Variants in PCDH15 observed in about 807,000 individuals in gnomAD.
PCDH15 encodes protocadherin-15.
A neutral mutation model predicts 178.5 loss-of-function variants in PCDH15; 129 were observed. The observed-to-expected ratio is 0.72, with a 90% confidence interval of 0.63 to 0.84. The LOEUF (loss-of-function observed/expected upper bound fraction) is 0.84, where lower values mean the gene tolerates loss of function less well. Among genes scored for constraint, PCDH15 ranks in the 40% least tolerant of loss-of-function variants. PCDH15 has a pLI of 0.00. For synonymous variants in PCDH15, 800 were observed against 732.0 expected (o/e 1.09, Z -1.50); for missense variants, 2,230 against 2,099.9 (o/e 1.06, Z -1.21).
chr10:55,384,252 T>C (rs183437309), intron 2 of PCDH15, among the ~76,000 whole-genome samples: 151 of 152,272 alleles, frequency 9.9e-4, no homozygotes, highest in Middle Eastern at 6.8e-3. Flanking sequence ...TTTTACTTGT[T>C]GAAGAAAAAT....
chr10:55,269,114 G>A (rs796960243), intron 1 of PCDH15, among the ~76,000 whole-genome samples: 7 of 151,884 alleles, frequency 4.6e-5, no homozygotes, highest in African/African-American at 1.4e-4. Context: ...TCAACCAACC[G>A]GACATTGAAG....
intron 15 of PCDH15, among the ~76,000 whole-genome samples, chr10:54,106,919 A>G (rs1456467695): frequency 6.6e-6 from 1 of 152,232 alleles, no homozygotes; most frequent in Non-Finnish European, 1.5e-5. Flanking sequence ...AAATACACAT[A>G]TAATCCAGGT....
At chr10:55,314,925 A>ACAT (rs1005767245) in intron 1 of PCDH15, among the ~76,000 whole-genome samples, 15 of 152,190 alleles carry the variant, frequency 9.9e-5, no homozygotes, top group African/African-American at 3.6e-4. Context: ...ATAATTGAAT[A>ACAT]CATTATTATT....
chr10:53,922,794 A>C (rs2084109613), intron 25 of PCDH15, among the ~76,000 whole-genome samples: 1 of 152,170 alleles, frequency 6.6e-6, no homozygotes. Context: ...TTTTAATAAA[A>C]CACAAATATA....
In PCDH15 at chr10:54,664,277, C is replaced by G; in HGVS notation, c.-15G>C. ...TGTCGAAACATCTTCTGTCAAAGTT[C>G]ACTCAAAGCTGATCTGAAATAAGAA... On this transcript the variant is annotated 5_prime_UTR_variant, in exon 2 of 38. Coordinates refer to ENST00000644397, the MANE Select transcript of PCDH15 (RefSeq NM_001384140.1). The G allele has an allele frequency of 6.3e-7, 1 of 1,592,892 alleles. No individual in the cohort carries two copies. Among genetic ancestry groups the G allele is most frequent in the South Asian group, 1.1e-5 (1 of 90,140 alleles).
intron 2 of PCDH15, among the ~76,000 whole-genome samples, chr10:55,582,620 ATATATATATTT>A (rs1842641921): frequency 1.1e-5 from 1 of 87,586 alleles, no homozygotes; most frequent in African/African-American, 6.0e-5. Flanking sequence ...ATATATATAT[ATATATATATTT>A]TTTTTTTTTT....
At chr10:55,158,898 G>A (rs202163597) in intron 2 of PCDH15, among the ~76,000 whole-genome samples, 5 of 129,862 alleles carry the variant, frequency 3.9e-5, no homozygotes, top group African/African-American at 1.1e-4. Flanking sequence ...GAGAGAGAGA[G>A]AAAAAACAAG....
At chr10:54,848,911 C>T (rs185074066) in intron 3 of PCDH15, among the ~76,000 whole-genome samples, 17 of 152,032 alleles carry the variant, frequency 1.1e-4, no homozygotes, top group South Asian at 4.1e-4. Flanking sequence ...CAAGTGAAGA[C>T]TAAAGAAAAT....
chr10:54,238,923 A>G (rs2054933291), intron 8 of PCDH15, among the ~76,000 whole-genome samples: 1 of 152,048 alleles, frequency 6.6e-6, no homozygotes, highest in African/African-American at 2.4e-5. Context: ...ATATAATTAA[A>G]TCTGCAGTAA....
chr10:55,549,117 G>A (rs1841951386), intron 2 of PCDH15, among the ~76,000 whole-genome samples: 1 of 151,902 alleles, frequency 6.6e-6, no homozygotes, highest in Non-Finnish European at 1.5e-5. Context: ...TCAGTCTACT[G>A]AAGAATTGAC....
intron 17 of PCDH15, among the ~76,000 whole-genome samples, chr10:54,072,893 A>T: frequency 6.6e-6 from 1 of 152,166 alleles, no homozygotes; most frequent in Non-Finnish European, 1.5e-5. Flanking sequence ...GAAGTCAGGG[A>T]GGAGAGGTTT....
chr10:55,556,878 A>G (rs1842101689), intron 2 of PCDH15, among the ~76,000 whole-genome samples: 1 of 152,162 alleles, frequency 6.6e-6, no homozygotes, highest in South Asian at 2.1e-4. Flanking sequence ...CTTAACAACT[A>G]GTAAAGTTGA....
chr10:54,677,450 T>G (rs1455201453), intron 1 of PCDH15, among the ~76,000 whole-genome samples: 3 of 152,072 alleles, frequency 2.0e-5, no homozygotes, highest in Non-Finnish European at 2.9e-5. Flanking sequence ...AAATCAGATA[T>G]AATGATAATA....
At chr10:54,992,615 C>T (rs1839530599) in intron 2 of PCDH15, among the ~76,000 whole-genome samples, 2 of 151,920 alleles carry the variant, frequency 1.3e-5, no homozygotes, top group South Asian at 2.1e-4. Flanking sequence ...ATTAGCCGGG[C>T]GTGGTGGCAG....
At chr10:55,459,858 T>C (rs181514942) in intron 2 of PCDH15, among the ~76,000 whole-genome samples, 19 of 152,192 alleles carry the variant, frequency 1.2e-4, no homozygotes, top group Admixed American at 7.9e-4. Flanking sequence ...TGTGAGTGGT[T>C]ATGTTCAAAC....
intron 21 of PCDH15, among the ~76,000 whole-genome samples, chr10:53,992,449 A>G (rs1564951133): frequency 6.6e-6 from 1 of 152,192 alleles, no homozygotes; most frequent in Non-Finnish European, 1.5e-5. Flanking sequence ...TTCCTAAAAT[A>G]TATAAAATAT....
intron 2 of PCDH15, among the ~76,000 whole-genome samples, chr10:55,572,364 T>C (rs976221219): frequency 6.6e-6 from 1 of 151,544 alleles, no homozygotes; most frequent in African/African-American, 2.4e-5. Context: ...TGTTTTTAGT[T>C]CTGAAACTAA....
chr10:54,914,300 G>A (rs1265887040), intron 2 of PCDH15, among the ~76,000 whole-genome samples: 1 of 152,098 alleles, frequency 6.6e-6, no homozygotes, highest in African/African-American at 2.4e-5. Flanking sequence ...TTAAAAGGGT[G>A]TGGCACCTTC....
chr10:54,592,545 T>C (rs1253100825), intron 2 of PCDH15, among the ~76,000 whole-genome samples: 2 of 152,196 alleles, frequency 1.3e-5, no homozygotes, highest in East Asian at 3.9e-4. Flanking sequence ...AGATATACTG[T>C]TACCATGCTG....
Sources: allele counts gnomAD v4.1 joint callset (sites outside exome capture counted in the v4.1 genomes callset), GRCh38; gene constraint gnomAD v4.1.1; transcripts MANE v1.5; gene names NCBI Gene and HGNC (gene_info 2026-07-23, HGNC 2026-07-21).